CSPP1: variants seen among roughly 807,000 people sequenced by gnomAD.
CSPP1 encodes the protein centrosome and spindle pole associated protein 1.
Under a neutral mutation model 164.4 loss-of-function variants are expected in CSPP1, and 126 were observed. That is an observed-to-expected ratio of 0.77 (90% confidence interval 0.66 to 0.89). CSPP1 has a LOEUF of 0.89. Ranked by LOEUF, CSPP1 falls within the 40% of genes least tolerant of loss-of-function variation. The pLI, the probability that CSPP1 is intolerant of heterozygous loss-of-function variation, is 0.00. For missense variants in CSPP1, 1,395 were observed against 1,449.8 expected, an observed-to-expected ratio of 0.96 and a Z score of 0.61; for synonymous variants, 472 against 476.7, an observed-to-expected ratio of 0.99 and a Z score of 0.13.
rs373980810 is a variant in CSPP1 at position 67,154,491 on chromosome 8, T to C, written c.2241+355T>C. Among the ~76,000 whole-genome samples the C allele has an allele frequency of 9.9e-5, 15 of 152,258 alleles. No individual in the cohort carries two copies. The East Asian group carries it at 2.9e-3, about 29-fold the overall frequency. ...AAGTGATTCTCCTGCCTCAGCCTCC[T>C]GAGTAGCTGGGACTACAGGTGCCTG... On this transcript the variant is annotated intron_variant, in intron 19 of 30. Transcript: ENST00000678616.
chr8:67,183,774 A>G (rs1833617548), intron 28 of CSPP1, among the ~76,000 whole-genome samples: 1 of 151,924 alleles, frequency 6.6e-6, no homozygotes, highest in East Asian at 1.9e-4. Flanking sequence ...GATGACTTTT[A>G]GATAAAAAAC....
intron 21 of CSPP1, among the ~76,000 whole-genome samples, chr8:67,159,918 T>TTCTTTCTC (rs1827694219): frequency 3.5e-5 from 2 of 57,162 alleles, no homozygotes; most frequent in Non-Finnish European, 3.4e-5. Flanking sequence ...CTTTCTTTCT[T>TTCTTTCTC]TCTTTCCTTT....
chr8:67,125,614 G>T (rs767090549), intron 15 of CSPP1, among the ~76,000 whole-genome samples: 2 of 151,970 alleles, frequency 1.3e-5, no homozygotes, highest in African/African-American at 2.4e-5. Flanking sequence ...CTGAAGCTTC[G>T]TTCATTTTTC....
Position 67,073,226 on chromosome 8 carries a change from A to G in CSPP1, c.-10-1017A>G, listed in dbSNP as rs140267199. 2.8e-4 allele frequency among the ~76,000 whole-genome samples: 42 copies of G among 152,352 alleles called. 1 individual carries two copies. Among genetic ancestry groups the G allele is most frequent in the African/African-American group, 1.0e-3 (42 of 41,596 alleles). ...TCAGGAATTAGACAACATCTTGACC[A>G]TATAATAAAAAATAACATCACTAAC... On this transcript the variant is annotated intron_variant, in intron 1 of 30. Coordinates refer to ENST00000678616, the MANE Select transcript of CSPP1 (RefSeq NM_001382391.1).
intron 15 of CSPP1, among the ~76,000 whole-genome samples, chr8:67,131,207 C>A (rs915866124): frequency 6.6e-6 from 1 of 151,984 alleles, no homozygotes; most frequent in Non-Finnish European, 1.5e-5. Flanking sequence ...CCAGCCTGGG[C>A]AACGTAGAAA....
chr8:67,087,144 C>T (rs1206023070), intron 4 of CSPP1, among the ~76,000 whole-genome samples: 5 of 142,670 alleles, frequency 3.5e-5, no homozygotes, highest in Middle Eastern at 3.6e-3. Context: ...AGTCTGTTTT[C>T]AGCATGCAAT....
intron 28 of CSPP1, among the ~76,000 whole-genome samples, chr8:67,187,403 A>G (rs2129574398): frequency 6.6e-6 from 1 of 152,354 alleles, no homozygotes; most frequent in South Asian, 2.1e-4. Context: ...GCCCAGAAAT[A>G]GACTCATGCA....
In CSPP1 at chr8:67,159,076, A is replaced by T. The variant is rs976452517; in HGVS notation, c.2477A>T (p.Lys826Ile). The change falls in exon 21 of 31, where the codon AAA becomes ATA. Residue 826 changes from lysine to isoleucine, a missense_variant. By Grantham distance (102) the Lys-to-Ile change is moderately radical. Coordinates refer to ENST00000678616, the MANE Select transcript of CSPP1 (RefSeq NM_001382391.1). ...AERKKKEEEE[K>I]YNLQLQHYCE... is the part of the protein sequence containing the mutation. Reference sequence around the variant, plus strand: ...AGAAAGAAGAAAGAAGAAGAAGAAAAATATAACCTGCAACTTCAGCACTAC... The same window carrying T: ...AGAAAGAAGAAAGAAGAAGAAGAAATATATAACCTGCAACTTCAGCACTAC... 6.2e-7 allele frequency: 1 copy of T among 1,613,270 alleles called. No homozygotes were observed. Among genetic ancestry groups the T allele is most frequent in the African/African-American group, 1.3e-5 (1 of 74,940 alleles).
Position 67,189,885 on chromosome 8 carries a change from T to C in CSPP1, c.3221-765T>C, listed in dbSNP as rs1293768037. On this transcript the variant is annotated intron_variant, in intron 28 of 30. Coordinates refer to ENST00000678616, the MANE Select transcript of CSPP1 (RefSeq NM_001382391.1). ...GTTGCGGAGGTTACCGTAGATGTTG[T>C]AGGCTATTTGTCCATGTCAAATTAG... Among the ~76,000 whole-genome samples the C allele has an allele frequency of 2.0e-5, 3 of 152,206 alleles. No individual in the cohort carries two copies. The East Asian group carries it at 5.8e-4, about 29-fold the overall frequency.
chr8:67,172,105 T>G (rs1422286297), intron 24 of CSPP1, among the ~76,000 whole-genome samples: 13 of 151,172 alleles, frequency 8.6e-5, no homozygotes, highest in African/African-American at 2.9e-4. Flanking sequence ...TGTCTTGGCC[T>G]CCCAAAGTGC....
intron 8 of CSPP1, among the ~76,000 whole-genome samples, chr8:67,103,537 G>A (rs546418493): frequency 7.1e-4 from 108 of 152,002 alleles, no homozygotes; most frequent in Non-Finnish European, 1.4e-3. Context: ...GCTCATGCCT[G>A]TAATCCCAGC....
At chr8:67,064,648 A>G (rs1319598989) in intron 1 of CSPP1, 110 bp downstream of exon 1, 30 of 572,624 alleles carry the variant, frequency 5.2e-5, no homozygotes, top group South Asian at 5.1e-4. Context: ...TCTCGAGGCA[A>G]CTAGGCCGGC....
chr8:67,122,353 T>A (rs927227431), intron 15 of CSPP1, among the ~76,000 whole-genome samples: 21 of 152,210 alleles, frequency 1.4e-4, no homozygotes, highest in African/African-American at 5.1e-4. Flanking sequence ...TCCCTTTGTT[T>A]GGTATGTATA....
chr8:67,154,388 C>T (rs138956881), intron 19 of CSPP1, among the ~76,000 whole-genome samples: 1 of 151,786 alleles, frequency 6.6e-6, no homozygotes, highest in Non-Finnish European at 1.5e-5. Flanking sequence ...TTTTTTGAGA[C>T]GGAGTCTTGC....
At chr8:67,185,104 CAAA>C (rs562540567) in intron 28 of CSPP1, among the ~76,000 whole-genome samples, 2 of 121,942 alleles carry the variant, frequency 1.6e-5, no homozygotes. Flanking sequence ...GACTCCGTCT[CAAA>C]AAAAAAAAAA....
rs1812065286 is a variant in CSPP1, at chr8:67,093,534, TA to T, written c.385-8del. ...AATTTTAACATTGCCTTTTGATTTT[TA>T]TTTTAAGGAAAGGTTGAAACTTGAA... On this transcript the variant is annotated splice_region_variant and splice_polypyrimidine_tract_variant and intron_variant, in intron 5 of 30. Transcript: ENST00000678616. 3 of 1,567,534 alleles carry T rather than the reference TA, an allele frequency of 1.9e-6. No individual in the cohort carries two copies. Among genetic ancestry groups the T allele is most frequent in the Non-Finnish European group, 2.6e-6 (3 of 1,144,866 alleles).
chr8:67,172,362 A>T, intron 24 of CSPP1, 54 bp from the exon 25 acceptor site: 1 of 1,427,488 alleles, frequency 7.0e-7, no homozygotes, highest in Non-Finnish European at 9.8e-7. Context: ...ATTAGATGTG[A>T]ACTCACCTAT....
At chr8:67,065,539 T>C (rs1025438712) in intron 1 of CSPP1, 29 of 980,172 alleles carry the variant, frequency 3.0e-5, no homozygotes, top group Non-Finnish European at 3.5e-5. Context: ...GCTATTGAGG[T>C]ATTTTCTTTT....
intron 6 of CSPP1, among the ~76,000 whole-genome samples, chr8:67,094,066 G>A (rs1397895349): frequency 8.7e-6 from 1 of 114,872 alleles, no homozygotes; most frequent in African/African-American, 3.4e-5. Flanking sequence ...GTTGCAGTGA[G>A]CCAAGATTGC....
Sources: allele counts gnomAD v4.1 joint callset (sites outside exome capture counted in the v4.1 genomes callset), GRCh38; gene constraint gnomAD v4.1.1; transcripts MANE v1.5; gene names NCBI Gene and HGNC (gene_info 2026-07-23, HGNC 2026-07-21).